The following PDS5B variants were observed in gnomAD, a reference collection of about 807,000 sequenced individuals.
PDS5B encodes the protein sister chromatid cohesion protein PDS5 homolog B.
A neutral mutation model predicts 184.1 loss-of-function variants in PDS5B; 51 were observed. The observed-to-expected ratio is 0.28, with a 90% CI of 0.22 to 0.35. The LOEUF (loss-of-function observed/expected upper bound fraction) is 0.35, where lower values mean the gene tolerates loss of function less well. Ranked by LOEUF, PDS5B falls within the 10% of genes least tolerant of loss-of-function variation. The pLI is 1.00. For synonymous variants in PDS5B, 566 were observed against 569.2 expected, an observed-to-expected ratio of 0.99 and a Z score of 0.08; for missense variants, 1,180 against 1,723.3, an observed-to-expected ratio of 0.68 and a Z score of 5.58.
chr13:32,744,797 G>A (rs981427179), intron 23 of PDS5B, among the ~76,000 whole-genome samples: 2 of 152,126 alleles, frequency 1.3e-5, no homozygotes, highest in Non-Finnish European at 1.5e-5. Context: ...ATGTTGGCTA[G>A]CATCCAGTCA....
intron 1 of PDS5B, among the ~76,000 whole-genome samples, chr13:32,592,337 C>T (rs2057789410): frequency 1.3e-5 from 2 of 150,404 alleles, no homozygotes; most frequent in Admixed American, 6.6e-5. Flanking sequence ...TCACTGCAGC[C>T]TCGGCCTTGG....
intron 14 of PDS5B, among the ~76,000 whole-genome samples, chr13:32,695,130 G>A (rs1025328548): frequency 6.6e-6 from 1 of 151,636 alleles, no homozygotes; most frequent in African/African-American, 2.4e-5. Flanking sequence ...CACACCATTT[G>A]AGTGGTTTAT....
Position 32,684,406 on chromosome 13 carries a change from T to C in PDS5B, c.1203+383T>C, listed in dbSNP as rs115185394. On this transcript the variant is annotated intron_variant, in intron 11 of 34. Transcript: ENST00000315596. ...TTATATGGGTATGAATTGGTAGTTG[T>C]CTAGCTGGTTGTATTATAATCAACA... Among the ~76,000 whole-genome samples the C allele has an allele frequency of 6.1e-3, 933 of 152,322 alleles. 17 individuals are homozygous for C. The highest frequency in any genetic ancestry group is 0.022 in the African/African-American group (900 of 41,560).
At chr13:32,606,612 C>T (rs1425414776) in intron 1 of PDS5B, among the ~76,000 whole-genome samples, 1 of 152,162 alleles carries the variant, frequency 6.6e-6, no homozygotes, top group Non-Finnish European at 1.5e-5. Flanking sequence ...GAATGTTGGC[C>T]TGCCTCGCTA....
intron 1 of PDS5B, among the ~76,000 whole-genome samples, chr13:32,647,183 A>G (rs1229448205): frequency 1.3e-5 from 2 of 152,054 alleles, no homozygotes; most frequent in Non-Finnish European, 2.9e-5. Flanking sequence ...TTCTCTCTCT[A>G]TAACTTCCAT....
chr13:32,663,265 C>G, intron 6 of PDS5B, among the ~76,000 whole-genome samples: 1 of 151,638 alleles, frequency 6.6e-6, no homozygotes, highest in African/African-American at 2.4e-5. Flanking sequence ...GAAAGGACTA[C>G]TCCATAACTC....
chr13:32,774,985 T>G (rs1341587087), intron 34 of PDS5B, 32 bp from the exon 35 acceptor site: 1 of 1,602,760 alleles, frequency 6.2e-7, no homozygotes, highest in Non-Finnish European at 8.5e-7. Flanking sequence ...TATACCCATT[T>G]TAATTAAGCA....
At chr13:32,710,127 A>G (rs1952158445) in intron 19 of PDS5B, 21 bp downstream of exon 19, 1 of 1,410,110 alleles carries the variant, frequency 7.1e-7, no homozygotes, top group Non-Finnish European at 9.4e-7. Context: ...TTTATTTTCA[A>G]AAATATTCTG....
chr13:32,670,538 T>C (rs1034782601), intron 7 of PDS5B, among the ~76,000 whole-genome samples: 5 of 152,182 alleles, frequency 3.3e-5, no homozygotes, highest in Non-Finnish European at 5.9e-5. Flanking sequence ...TAGGTTATTT[T>C]TTTTTAAATA....
At chr13:32,743,468 G>A (rs1953634823) in intron 23 of PDS5B, among the ~76,000 whole-genome samples, 1 of 152,106 alleles carries the variant, frequency 6.6e-6, no homozygotes, top group Non-Finnish European at 1.5e-5. Flanking sequence ...TTATGTCAGT[G>A]TTAGTTAAAA....
At chr13:32,678,962 C>G (rs370575000) in intron 10 of PDS5B, 33 bp downstream of exon 10, 2 of 1,156,422 alleles carry the variant, frequency 1.7e-6, no homozygotes, top group Admixed American at 1.7e-5. Context: ...AATATTCTTA[C>G]GTGCTCTTCA....
chr13:32,591,376 C>T (rs947873394), intron 1 of PDS5B, among the ~76,000 whole-genome samples: 1 of 152,134 alleles, frequency 6.6e-6, no homozygotes, highest in Non-Finnish European at 1.5e-5. Flanking sequence ...CTCGGCCTCC[C>T]AAAGTGCTGA....
At chr13:32,610,020 C>T (rs1323497734) in intron 1 of PDS5B, among the ~76,000 whole-genome samples, 1 of 152,032 alleles carries the variant, frequency 6.6e-6, no homozygotes, top group African/African-American at 2.4e-5. Flanking sequence ...CAATGTCCTG[C>T]AGTAGGAAAA....
rs1954920214 is a variant in PDS5B at position 32,775,226 on chromosome 13, A to G, written c.*174A>G. On this transcript the variant is annotated 3_prime_UTR_variant, in exon 35 of 35. Coordinates refer to ENST00000315596, the MANE Select transcript of PDS5B (RefSeq NM_015032.4). Reference sequence around the variant, plus strand: ...ACATTTGTGGTCACATGCTTTAGCCATACACATGGTAACATTGACTATGGA... The same window carrying G: ...ACATTTGTGGTCACATGCTTTAGCCGTACACATGGTAACATTGACTATGGA... The G allele has an allele frequency of 5.0e-6, 3 of 605,438 alleles. No homozygotes were observed. Among genetic ancestry groups the G allele is most frequent in the South Asian group, 4.2e-5 (2 of 47,872 alleles). 37.5% of individuals were successfully genotyped at this position (605,438 alleles called of 1,614,324 possible).
chr13:32,750,847 CTGTGTGTG>C lies in PDS5B; in HGVS notation c.2737-2451_2737-2444del, dbSNP rs71194534. 1.5e-3 allele frequency among the ~76,000 whole-genome samples: 221 copies of C among 143,522 alleles called. 1 individual carries two copies. The highest frequency in any genetic ancestry group is 6.9e-3 in the Middle Eastern group (2 of 288). 94.2% of individuals were successfully genotyped at this position (143,522 alleles called of 152,430 possible). A position where few individuals can be genotyped will look rare whatever the true frequency, so the allele number is the denominator to read the frequency against. On this transcript the variant is annotated intron_variant, in intron 24 of 34. Coordinates refer to ENST00000315596, the MANE Select transcript of PDS5B (RefSeq NM_015032.4). Reference sequence around the variant, plus strand: ...GTGAGCCACTGCGCCCGGCCTCCCTCTGTGTGTGTGTGTGTGTGTGTGTGTGTGTGTGT... The same window carrying C: ...GTGAGCCACTGCGCCCGGCCTCCCTCTGTGTGTGTGTGTGTGTGTGTGTGT...
chr13:32,725,180 G>A (rs1952855772), intron 19 of PDS5B, among the ~76,000 whole-genome samples: 1 of 152,122 alleles, frequency 6.6e-6, no homozygotes, highest in African/African-American at 2.4e-5. Context: ...CAGAATAAAT[G>A]CTTGATTTTT....
intron 1 of PDS5B, among the ~76,000 whole-genome samples, chr13:32,607,464 G>A (rs558653243): frequency 3.3e-5 from 5 of 152,282 alleles, no homozygotes; most frequent in Admixed American, 1.3e-4. Flanking sequence ...GGTGTCAGTC[G>A]GCCCCTACTG....
chr13:32,715,067 A>G (rs528700077), intron 19 of PDS5B, among the ~76,000 whole-genome samples: 1 of 152,346 alleles, frequency 6.6e-6, no homozygotes, highest in South Asian at 2.1e-4. Context: ...TTCTTCTGCC[A>G]TGGCTTCAGC....
chr13:32,740,709 CTTGT>C (rs1000431459), intron 21 of PDS5B, among the ~76,000 whole-genome samples: 4 of 151,434 alleles, frequency 2.6e-5, no homozygotes, highest in Admixed American at 6.6e-5. Flanking sequence ...TACCTTTCTT[CTTGT>C]TTAAGAGCTA....
Sources: allele counts gnomAD v4.1 joint callset (sites outside exome capture counted in the v4.1 genomes callset), GRCh38; gene constraint gnomAD v4.1.1; transcripts MANE v1.5; gene names NCBI Gene and HGNC (gene_info 2026-07-23, HGNC 2026-07-21).